Variants in RSU1 observed in about 807,000 individuals in gnomAD.
RSU1 encodes the protein rsu-1.
In RSU1, 26 loss-of-function variants were observed where a neutral mutation model predicts 31.1. That is an observed-to-expected ratio of 0.84 (90% CI 0.61 to 1.16). The LOEUF (loss-of-function observed/expected upper bound fraction) is 1.16. Ranked by LOEUF, RSU1 falls within the 50% of genes most tolerant of loss-of-function variation. The pLI is 0.00. For synonymous variants in RSU1, 164 were observed against 136.3 expected, an observed-to-expected ratio of 1.20 and a Z score of -1.41; for missense variants, 320 against 339.1, an observed-to-expected ratio of 0.94 and a Z score of 0.44.
chr10:16,704,156 A>C (rs1411850910), intron 7 of RSU1, among the ~76,000 whole-genome samples: 1 of 152,188 alleles, frequency 6.6e-6, no homozygotes, highest in Admixed American at 6.6e-5. Flanking sequence ...TTGAGTACTG[A>C]AAAAGAAATC....
At chr10:16,675,807 C>T (rs972861774) in intron 8 of RSU1, among the ~76,000 whole-genome samples, 1 of 152,172 alleles carries the variant, frequency 6.6e-6, no homozygotes, top group African/African-American at 2.4e-5. Context: ...CCTGACATCA[C>T]CCTGCCTCTG....
chr10:16,790,985 C>G (rs987026485), intron 2 of RSU1, among the ~76,000 whole-genome samples: 1 of 152,124 alleles, frequency 6.6e-6, no homozygotes, highest in Non-Finnish European at 1.5e-5. Flanking sequence ...TTCTTTATAG[C>G]AGTGTGAGAA....
intron 8 of RSU1, among the ~76,000 whole-genome samples, chr10:16,613,626 G>A (rs1305434964): frequency 6.6e-6 from 1 of 152,168 alleles, no homozygotes; most frequent in Non-Finnish European, 1.5e-5. Context: ...GTGATTTTAG[G>A]GCAGACTTGG....
At chr10:16,616,912 C>T (rs570458281) in intron 8 of RSU1, among the ~76,000 whole-genome samples, 146 of 151,196 alleles carry the variant, frequency 9.7e-4, no homozygotes, top group African/African-American at 3.1e-3. Flanking sequence ...TCATACTGAA[C>T]GGGTATTCCC....
chr10:16,621,314 A>G (rs1834066142), intron 8 of RSU1, among the ~76,000 whole-genome samples: 1 of 152,204 alleles, frequency 6.6e-6, no homozygotes, highest in Non-Finnish European at 1.5e-5. Flanking sequence ...TTTCTGGTGT[A>G]AGAAAAACTT....
intron 3 of RSU1, among the ~76,000 whole-genome samples, chr10:16,770,365 G>C (rs1837399503): frequency 6.6e-6 from 1 of 152,072 alleles, no homozygotes; most frequent in Non-Finnish European, 1.5e-5. Context: ...TTCAGCTCCA[G>C]AAGGGCAGCA....
intron 7 of RSU1, among the ~76,000 whole-genome samples, chr10:16,699,168 C>A (rs1037359406): frequency 6.6e-6 from 1 of 152,226 alleles, no homozygotes; most frequent in African/African-American, 2.4e-5. Flanking sequence ...GCGAGCGAAA[C>A]AGAGCAATGT....
At chr10:16,791,466 C>T (rs1019538428) in intron 2 of RSU1, among the ~76,000 whole-genome samples, 2 of 151,712 alleles carry the variant, frequency 1.3e-5, no homozygotes, top group African/African-American at 2.4e-5. Flanking sequence ...CCATCTCTAC[C>T]GAAGTACAAA....
intron 4 of RSU1, among the ~76,000 whole-genome samples, chr10:16,757,210 C>T (rs536204226): frequency 2.6e-4 from 40 of 151,894 alleles, no homozygotes; most frequent in African/African-American, 9.2e-4. Flanking sequence ...TTTTTCTTAA[C>T]GCAGTTCCCT....
chr10:16,629,811 C>T (rs1834218021), intron 8 of RSU1, among the ~76,000 whole-genome samples: 1 of 152,194 alleles, frequency 6.6e-6, no homozygotes, highest in Admixed American at 6.5e-5. Context: ...GGGGAACTCA[C>T]TGACCTGCTG....
chr10:16,756,365 T>C (rs1048053845), intron 4 of RSU1, among the ~76,000 whole-genome samples: 3 of 152,172 alleles, frequency 2.0e-5, no homozygotes, highest in East Asian at 1.9e-4. Flanking sequence ...AATCATACAA[T>C]TGACCCTTGA....
intron 7 of RSU1, among the ~76,000 whole-genome samples, chr10:16,708,227 G>T (rs1045852788): frequency 6.6e-6 from 1 of 152,062 alleles, no homozygotes; most frequent in East Asian, 1.9e-4. Context: ...AACATATTTT[G>T]TCTGTTACAT....
At chr10:16,780,730 T>G (rs1016901504) in intron 3 of RSU1, among the ~76,000 whole-genome samples, 16 of 152,200 alleles carry the variant, frequency 1.1e-4, no homozygotes, top group Admixed American at 1.0e-3. Flanking sequence ...AAACAGACCA[T>G]GAATCCCTTC....
intron 7 of RSU1, among the ~76,000 whole-genome samples, chr10:16,743,361 G>A (rs1381001667): frequency 6.6e-6 from 1 of 152,110 alleles, no homozygotes; most frequent in African/African-American, 2.4e-5. Context: ...CGTGGCCTTA[G>A]GCAAGTCACA....
chr10:16,697,837 T>C (rs1835711244), intron 7 of RSU1, among the ~76,000 whole-genome samples: 1 of 152,080 alleles, frequency 6.6e-6, no homozygotes, highest in Non-Finnish European at 1.5e-5. Context: ...TTCCTTCTTC[T>C]GCAAAATTGG....
At chr10:16,628,286 A>C (rs1035631688) in intron 8 of RSU1, among the ~76,000 whole-genome samples, 19 of 152,236 alleles carry the variant, frequency 1.2e-4, no homozygotes, top group Admixed American at 6.5e-5. Flanking sequence ...TTCTGTAAGA[A>C]TATCAGCGCA....
intron 2 of RSU1, among the ~76,000 whole-genome samples, chr10:16,786,974 T>C (rs1469944967): frequency 6.6e-6 from 1 of 152,072 alleles, no homozygotes; most frequent in Non-Finnish European, 1.5e-5. Context: ...TGCTTGAACA[T>C]TCAGGGAGGT....
chr10:16,750,594 C>T (rs938260682), intron 7 of RSU1, among the ~76,000 whole-genome samples: 1 of 152,016 alleles, frequency 6.6e-6, no homozygotes, highest in Non-Finnish European at 1.5e-5. Context: ...GTTTAATATC[C>T]TACGTTGCCT....
At chr10:16,595,429 G>A (rs1347233524) in intron 8 of RSU1, among the ~76,000 whole-genome samples, 1 of 152,202 alleles carries the variant, frequency 6.6e-6, no homozygotes, top group Non-Finnish European at 1.5e-5. Context: ...ACGGAGTGTA[G>A]AACACAGGGT....
Sources: gnomAD v4.1 joint callset for allele counts (sites outside exome capture counted in the v4.1 genomes callset) on GRCh38, gnomAD v4.1.1 for gene constraint, MANE v1.5 for transcripts, NCBI Gene and HGNC (gene_info 2026-07-23, HGNC 2026-07-21) for gene names.